GALNT9: variants seen among roughly 807,000 people sequenced by gnomAD.
GALNT9 encodes GalNAc transferase 9.
Under a neutral mutation model 63.1 loss-of-function variants are expected in GALNT9, and 47 were observed. The ratio of observed to expected loss-of-function variants is 0.75; its 90% confidence interval spans 0.59 to 0.95. GALNT9 has a LOEUF of 0.95. GALNT9 is among the 40% of genes least tolerant of loss of function. The probability of loss-of-function intolerance (pLI) is 0.00; values close to 1 mark genes in which losing one functional copy is unlikely to be tolerated. For synonymous variants in GALNT9, 396 were observed against 365.7 expected (o/e 1.08, Z -0.94); for missense variants, 829 against 874.8 (o/e 0.95, Z 0.66).
intron 2 of GALNT9, among the ~76,000 whole-genome samples, chr12:132,268,266 C>T (rs55817326): frequency 0.043 from 6,592 of 152,152 alleles, 287 homozygotes; most frequent in African/African-American, 0.11. Flanking sequence ...GACACCCACC[C>T]CTACACACGC....
At chr12:132,218,584 G>A (rs1401925427) in intron 6 of GALNT9, among the ~76,000 whole-genome samples, 5 of 152,324 alleles carry the variant, frequency 3.3e-5, no homozygotes, top group Non-Finnish European at 5.9e-5. Context: ...CCTCTGGTAC[G>A]GCTGTGGGTG....
At chr12:132,199,694 G>A (rs1227869377) in intron 8 of GALNT9, among the ~76,000 whole-genome samples, 3 of 152,160 alleles carry the variant, frequency 2.0e-5, no homozygotes, top group Non-Finnish European at 4.4e-5. Context: ...GTCTTGGAAG[G>A]AACCCTGACA....
intron 1 of GALNT9, among the ~76,000 whole-genome samples, chr12:132,313,820 A>T (rs1369958841): frequency 4.5e-4 from 7 of 15,576 alleles, no homozygotes; most frequent in South Asian, 3.0e-3. Flanking sequence ...CCATCCACCC[A>T]CCCAGCCACC....
At chr12:132,221,035 G>A (rs1877420872) in intron 6 of GALNT9, among the ~76,000 whole-genome samples, 3 of 124,348 alleles carry the variant, frequency 2.4e-5, no homozygotes, top group South Asian at 5.9e-4. Flanking sequence ...CCAGCCTGGT[G>A]AGAGTGAGAT....
At chr12:132,247,835 C>A (rs980030239) in intron 6 of GALNT9, 75 bp downstream of exon 6, 1 of 1,543,714 alleles carries the variant, frequency 6.5e-7, no homozygotes, top group Non-Finnish European at 8.7e-7. Flanking sequence ...CGGCCTCACT[C>A]GCCCTCATCC....
At chr12:132,264,614 T>C (rs1879530410) in intron 2 of GALNT9, among the ~76,000 whole-genome samples, 2 of 152,130 alleles carry the variant, frequency 1.3e-5, no homozygotes, top group Admixed American at 6.5e-5. Context: ...CTTCCAGGGG[T>C]TTGAGTCCAG....
At chr12:132,217,165 T>C (rs1474371125) in intron 6 of GALNT9, among the ~76,000 whole-genome samples, 3 of 152,214 alleles carry the variant, frequency 2.0e-5, no homozygotes, top group Admixed American at 6.5e-5. Flanking sequence ...CTAGCCACTA[T>C]CTATCCACCC....
chr12:132,312,795 C>G (rs1245965826), intron 1 of GALNT9, among the ~76,000 whole-genome samples: 7 of 152,276 alleles, frequency 4.6e-5, no homozygotes, highest in Admixed American at 4.6e-4. Flanking sequence ...CCCCTGTTGT[C>G]AAGGGGCAGC....
chr12:132,294,393 G>T (rs1415389199), intron 1 of GALNT9, among the ~76,000 whole-genome samples: 1 of 152,190 alleles, frequency 6.6e-6, no homozygotes. Context: ...TGTATCACCC[G>T]TGGTCCTTGT....
intron 2 of GALNT9, among the ~76,000 whole-genome samples, chr12:132,268,486 A>G (rs900512526): frequency 1.2e-4 from 19 of 152,350 alleles, no homozygotes; most frequent in African/African-American, 4.6e-4. Context: ...CCTTGGCTTA[A>G]GCAAAGATTT....
At chr12:132,269,272 T>C (rs1279812016) in intron 2 of GALNT9, among the ~76,000 whole-genome samples, 1 of 151,724 alleles carries the variant, frequency 6.6e-6, no homozygotes, top group Admixed American at 6.6e-5. Flanking sequence ...CTGGGCTTGG[T>C]GATGGGAGGA....
At chr12:132,284,174 CA>C (rs1566012601) in intron 2 of GALNT9, 5 of 151,332 alleles carry the variant, frequency 3.3e-5, no homozygotes, top group African/African-American at 4.9e-5. Flanking sequence ...CGTATACACA[CA>C]CACGCACACC....
At chr12:132,266,316 G>A (rs548607065) in intron 2 of GALNT9, among the ~76,000 whole-genome samples, 19 of 152,368 alleles carry the variant, frequency 1.2e-4, no homozygotes, top group Non-Finnish European at 2.6e-4. Context: ...CAGCGCCTTT[G>A]CTTTGTGACA....
chr12:132,271,733 C>T (rs765202074), intron 2 of GALNT9, among the ~76,000 whole-genome samples: 9 of 152,168 alleles, frequency 5.9e-5, no homozygotes, highest in South Asian at 4.1e-4. Context: ...CAGGCTTGGC[C>T]GAGGTCCCAA....
intron 1 of GALNT9, among the ~76,000 whole-genome samples, chr12:132,326,689 T>G (rs1178004523): frequency 6.6e-6 from 1 of 152,196 alleles, no homozygotes; most frequent in Non-Finnish European, 1.5e-5. Flanking sequence ...GATTTCCCCC[T>G]CTCCTTTCTG....
rs2135595557 is a variant in GALNT9, at chr12:132,327,558, A to AT, written c.238+1407dup. On this transcript the variant is annotated intron_variant, in intron 1 of 10. Transcript: ENST00000328957. This position sits in a 1 kb window ranked among gnomAD's most constrained non-coding sequence, Gnocchi z 4.3. ...ATGGCGAGCACACTTCAATAGAGCC[A>AT]TGTGCTATTGCCGGGCACACCGCCT... 6.6e-6 allele frequency among the ~76,000 whole-genome samples: 1 copy of AT among 152,282 alleles called. No individual in the cohort carries two copies. The highest frequency in any genetic ancestry group is 2.1e-4 in the South Asian group (1 of 4,816).
intron 1 of GALNT9, among the ~76,000 whole-genome samples, chr12:132,308,269 C>A (rs1271189269): frequency 6.6e-6 from 1 of 152,192 alleles, no homozygotes; most frequent in East Asian, 1.9e-4. Flanking sequence ...CCACTCTGGG[C>A]GTCTGGATGC....
intron 7 of GALNT9, among the ~76,000 whole-genome samples, chr12:132,203,162 C>T (rs1400191101): frequency 6.6e-6 from 1 of 152,166 alleles, no homozygotes; most frequent in Non-Finnish European, 1.5e-5. Context: ...GTGCAGGGCA[C>T]TAAGTGGGGC....
At chr12:132,243,370 C>G (rs141960065) in intron 6 of GALNT9, among the ~76,000 whole-genome samples, 3 of 150,612 alleles carry the variant, frequency 2.0e-5, no homozygotes, top group African/African-American at 5.0e-5. Context: ...GCCTCAGTGT[C>G]CAGTCCTCCC....
Sources: gnomAD v4.1 joint callset for allele counts (sites outside exome capture counted in the v4.1 genomes callset) on GRCh38, gnomAD v4.1.1 for gene constraint, Gnocchi (gnomAD v3.1) non-coding constraint, MANE v1.5 for transcripts, NCBI Gene and HGNC (gene_info 2026-07-23, HGNC 2026-07-21) for gene names.